Variants in SLIT3 observed in about 807,000 individuals in gnomAD.
The protein encoded by SLIT3 is slit homolog 3 protein.
In SLIT3, 68 loss-of-function variants were observed where a neutral mutation model predicts 184.0. The ratio of observed to expected loss-of-function variants is 0.37; its 90% CI spans 0.30 to 0.45. The LOEUF (loss-of-function observed/expected upper bound fraction) is 0.45. Ranked by LOEUF, SLIT3 falls within the 20% of genes least tolerant of loss-of-function variation. SLIT3 has a pLI of 1.00. For synonymous variants in SLIT3, 831 were observed against 828.6 expected, an observed-to-expected ratio of 1.00 and a Z score of -0.05; for missense variants, 1,707 against 2,026.0, an observed-to-expected ratio of 0.84 and a Z score of 3.02.
rs1756136793 is a variant in SLIT3 at position 168,785,914 on chromosome 5, G to A, written c.1144C>T (p.Gln382Ter). Residue 382 changes from glutamine (Q) to a stop codon, truncating the protein, a stop_gained, in exon 12 of 36, where the codon CAG becomes TAG. Transcript: ENST00000519560. LOFTEE classifies it high-confidence loss of function. ...KGLFDGLVSL[Q>*]LLLLNANKIN... Reference sequence around the variant, plus strand: ...GACAAAGTTCCTACTCACAGCAGCTGTAGGGACACCAGCCCATCAAACAGT... The same window carrying A: ...GACAAAGTTCCTACTCACAGCAGCTATAGGGACACCAGCCCATCAAACAGT... 1 of 1,611,472 alleles carries A rather than the reference G, an allele frequency of 6.2e-7. No individual in the cohort carries two copies. Among genetic ancestry groups the A allele is most frequent in the Non-Finnish European group, 8.5e-7 (1 of 1,177,986 alleles).
intron 4 of SLIT3, among the ~76,000 whole-genome samples, chr5:168,884,482 C>T (rs1373910016): frequency 6.3e-5 from 7 of 111,530 alleles, no homozygotes; most frequent in African/African-American, 1.3e-4. Flanking sequence ...AAAGAACACC[C>T]GAAAAACCCT....
intron 5 of SLIT3, among the ~76,000 whole-genome samples, chr5:168,864,763 G>T (rs1437250987): frequency 6.6e-6 from 1 of 151,976 alleles, no homozygotes; most frequent in African/African-American, 2.4e-5. Context: ...ACTGATGAAG[G>T]CTTTCTTCGC....
At chr5:169,215,721 T>C (rs546804145) in intron 3 of SLIT3, among the ~76,000 whole-genome samples, 2 of 152,304 alleles carry the variant, frequency 1.3e-5, no homozygotes, top group South Asian at 4.1e-4. Flanking sequence ...TCCTAAAGAT[T>C]TCCTGAATAA....
chr5:168,795,436 C>T, intron 10 of SLIT3, 71 bp downstream of exon 10: 1 of 1,150,466 alleles, frequency 8.7e-7, no homozygotes, highest in Non-Finnish European at 1.3e-6. Flanking sequence ...GGACAGGTTG[C>T]CCACTACACA....
chr5:168,936,059 G>A (rs1334941284), intron 4 of SLIT3, among the ~76,000 whole-genome samples: 3 of 152,198 alleles, frequency 2.0e-5, no homozygotes, highest in Non-Finnish European at 4.4e-5. Flanking sequence ...AATTAGGGCT[G>A]CTAGCCTAGG....
intron 4 of SLIT3, among the ~76,000 whole-genome samples, chr5:169,003,131 A>G (rs1388641674): frequency 6.6e-6 from 1 of 152,258 alleles, no homozygotes; most frequent in African/African-American, 2.4e-5. Context: ...TGATATTACC[A>G]GTATGTATCT....
At chr5:168,929,642 T>C (rs553214813) in intron 4 of SLIT3, among the ~76,000 whole-genome samples, 5 of 152,372 alleles carry the variant, frequency 3.3e-5, no homozygotes, top group Non-Finnish European at 5.9e-5. Context: ...TCTGGAGGGA[T>C]AGCTGTCTCT....
At chr5:169,049,674 T>C (rs1023905580) in intron 4 of SLIT3, among the ~76,000 whole-genome samples, 3 of 152,188 alleles carry the variant, frequency 2.0e-5, no homozygotes, top group African/African-American at 7.2e-5. Context: ...GGCTTCTAAT[T>C]GTCTGAAGAT....
chr5:169,115,611 T>C (rs955353375), intron 4 of SLIT3, among the ~76,000 whole-genome samples: 1 of 152,226 alleles, frequency 6.6e-6, no homozygotes, highest in Non-Finnish European at 1.5e-5. Context: ...AGGATCCTGT[T>C]ACCAGAATTC....
intron 1 of SLIT3, among the ~76,000 whole-genome samples, chr5:169,254,287 C>A (rs1311352949): frequency 6.6e-6 from 1 of 152,104 alleles, no homozygotes; most frequent in Non-Finnish European, 1.5e-5. Context: ...AAGGCCAGCC[C>A]CCACTGTCCC....
In SLIT3 at chr5:168,724,473, C is replaced by T. The variant is rs1254306549; in HGVS notation, c.2282G>A (p.Gly761Glu). 6.8e-6 allele frequency: 11 copies of T among 1,612,852 alleles called. No individual in the cohort carries two copies. Among genetic ancestry groups the T allele is most frequent in the Non-Finnish European group, 8.5e-6 (10 of 1,179,384 alleles). The change falls in exon 21 of 36, where the codon GGA (glycine) becomes GAA (glutamate). Residue 761 changes from glycine (G) to glutamate (E), a missense_variant. Physicochemically the swap from Gly to Glu is moderately conservative, Grantham distance 98. This residue lies in a region of SLIT3 where 1,307 missense variants were observed against 1,511.6 expected (regional missense o/e 0.86). Transcript: ENST00000519560. ...PKDVTELYLE[G>E]NHLTAVPREL... Reference sequence around the variant, plus strand: ...TCTGGGCACGGCTGTTAGGTGGTTTCCTTCCAGGTACCTGAAAGAGGTGTG... The same window carrying T: ...TCTGGGCACGGCTGTTAGGTGGTTTTCTTCCAGGTACCTGAAAGAGGTGTG...
intron 23 of SLIT3, among the ~76,000 whole-genome samples, chr5:168,721,122 A>G (rs558739840): frequency 6.6e-6 from 1 of 152,360 alleles, no homozygotes; most frequent in African/African-American, 2.4e-5. Context: ...TATTATAGTA[A>G]TAATGATCTA....
At chr5:168,749,702 C>A (rs1206631775) in intron 18 of SLIT3, 67 bp from the exon 19 acceptor site, 1 of 1,544,738 alleles carries the variant, frequency 6.5e-7, no homozygotes, top group Non-Finnish European at 8.9e-7. Context: ...GATCTGCTGC[C>A]CAGAGCCCAG....
chr5:169,028,368 G>C (rs557584090), intron 4 of SLIT3, among the ~76,000 whole-genome samples: 3 of 152,260 alleles, frequency 2.0e-5, no homozygotes, highest in African/African-American at 7.2e-5. Flanking sequence ...TCAGCTTCAG[G>C]GCTGTGTAGG....
intron 20 of SLIT3, among the ~76,000 whole-genome samples, chr5:168,737,151 C>T (rs1435162635): frequency 6.6e-6 from 1 of 152,122 alleles, no homozygotes; most frequent in Admixed American, 6.5e-5. Context: ...GCACATATTG[C>T]CTGAGCCACT....
rs1002095643 is a variant in SLIT3, at chr5:169,213,420, A to T, written c.342-19870T>A. The stretch of plus-strand genomic sequence containing the variant: ...CCATTGGCTTTCTTCACAGAATTGG[A>T]AAAAACTACTTTAAACTTCATATAG... On this transcript the variant is annotated intron_variant, in intron 3 of 35. Transcript: ENST00000519560. 2.0e-5 allele frequency among the ~76,000 whole-genome samples: 3 copies of T among 152,212 alleles called. No individual in the cohort carries two copies. In the East Asian group the frequency reaches 5.8e-4, roughly 29 times the overall value.
intron 4 of SLIT3, among the ~76,000 whole-genome samples, chr5:168,924,073 T>C (rs888607840): frequency 2.6e-5 from 4 of 152,232 alleles, no homozygotes; most frequent in South Asian, 2.1e-4. Flanking sequence ...CTGGACTAGA[T>C]AGAAGTCTGT....
chr5:169,226,014 A>C (rs1206802976), intron 3 of SLIT3, among the ~76,000 whole-genome samples: 4 of 152,124 alleles, frequency 2.6e-5, no homozygotes, highest in Non-Finnish European at 5.9e-5. Context: ...CGCGGATGAG[A>C]TCAGCACAGT....
intron 4 of SLIT3, among the ~76,000 whole-genome samples, chr5:168,997,627 G>A (rs1446396781): frequency 6.6e-6 from 1 of 152,132 alleles, no homozygotes; most frequent in Admixed American, 6.5e-5. Flanking sequence ...CTGCATGCAG[G>A]AGACCTCAGT....
Sources: gnomAD v4.1 joint callset for allele counts (sites outside exome capture counted in the v4.1 genomes callset) on GRCh38, gnomAD v4.1.1 for gene constraint, gnomAD v4.1.1 regional missense constraint, MANE v1.5 for transcripts, NCBI Gene and HGNC (gene_info 2026-07-23, HGNC 2026-07-21) for gene names.